Variants in NPHP4 observed in about 807,000 individuals in gnomAD.
NPHP4 encodes the protein nephrocystin-4.
NPHP4 carries 151 observed loss-of-function variants against 155.8 expected under a neutral mutation model. The ratio of observed to expected loss-of-function variants is 0.97; its 90% CI spans 0.85 to 1.11. The LOEUF is 1.11. Ranked by LOEUF, NPHP4 falls within the 50% of genes least tolerant of loss-of-function variation. NPHP4 has a pLI of 0.00. For missense variants in NPHP4, 1,956 were observed against 1,925.7 expected, an observed-to-expected ratio of 1.02 and a Z score of -0.29; for synonymous variants, 845 against 816.8, an observed-to-expected ratio of 1.03 and a Z score of -0.59.
At chr1:5,949,227 C>T (rs191109888) in intron 7 of NPHP4, among the ~76,000 whole-genome samples, 62 of 152,214 alleles carry the variant, frequency 4.1e-4, no homozygotes, top group African/African-American at 1.3e-3. Flanking sequence ...ACCAAGGAAA[C>T]GGATGTTGGT....
intron 3 of NPHP4, among the ~76,000 whole-genome samples, chr1:5,974,060 G>A (rs1024236321): frequency 6.6e-6 from 1 of 152,256 alleles, no homozygotes; most frequent in East Asian, 1.9e-4. Flanking sequence ...TCCAGGCCCT[G>A]GAAGGGCTCG....
chr1:5,978,317 TG>T lies in NPHP4; in HGVS notation c.231del (p.Thr78GlnfsTer2). 1 of 1,609,658 alleles carries T rather than the reference TG, an allele frequency of 6.2e-7. No individual in the cohort carries two copies. Among genetic ancestry groups the T allele is most frequent in the South Asian group, 1.1e-5 (1 of 90,338 alleles). ...YRHFFGRTWK[T>X]TVKPTKRPPS... The stretch of plus-strand genomic sequence containing the variant: ...GGCGGTCTCTTCGTCGGCTTCACTG[TG>T]GTTTTCCACGTCCTCCCAAAGAAGT... On this transcript the variant is annotated frameshift_variant, in exon 3 of 30. Coordinates refer to ENST00000378156, the MANE Select transcript of NPHP4 (RefSeq NM_015102.5). LOFTEE classifies it high-confidence loss of function.
At chr1:5,899,027 TCA>T (rs900501847) in intron 16 of NPHP4, among the ~76,000 whole-genome samples, 24 of 152,208 alleles carry the variant, frequency 1.6e-4, no homozygotes, top group Non-Finnish European at 2.5e-4. Context: ...AAACCAGCGA[TCA>T]CCACGTGACT....
At chr1:5,967,491 G>A (rs977468596) in intron 4 of NPHP4, 128 bp from the exon 5 acceptor site, 45 of 717,120 alleles carry the variant, frequency 6.3e-5, no homozygotes, top group Admixed American at 3.3e-4. Flanking sequence ...CATCCTCTGC[G>A]GAAGGCAGAG....
At chr1:5,978,109 A>T (rs1654013791) in intron 3 of NPHP4, among the ~76,000 whole-genome samples, 161 bp downstream of exon 3, 1 of 151,746 alleles carries the variant, frequency 6.6e-6, no homozygotes, top group South Asian at 2.1e-4. Flanking sequence ...TTGGTAACAA[A>T]GCGCTTGCCG....
chr1:5,864,064 G>A (rs769018845), intron 28 of NPHP4, 31 bp from the exon 29 acceptor site: 14 of 1,606,942 alleles, frequency 8.7e-6, no homozygotes, highest in South Asian at 2.2e-5. Flanking sequence ...GAGACGCTGC[G>A]GCCACTCACG....
intron 10 of NPHP4, 93 bp from the exon 11 acceptor site, chr1:5,927,880 A>G (rs775964011): frequency 3.8e-5 from 51 of 1,350,244 alleles, no homozygotes; most frequent in Non-Finnish European, 5.0e-5. Context: ...CTGCCCTAAA[A>G]CAAAGTCTAC....
At position 5,944,875 on chromosome 1, in the gene NPHP4, C is replaced by A. The variant is rs1275490417; in HGVS notation, c.1119+2229G>T. Among the ~76,000 whole-genome samples, 2 of 152,080 alleles carry A rather than the reference C, an allele frequency of 1.3e-5. No individual in the cohort carries two copies. The highest frequency in any genetic ancestry group is 4.8e-5 in the African/African-American group (2 of 41,398). Reference sequence around the variant, plus strand: ...GTCCCAGCTACTCAGGAGACTGAGGCAGGAGAGTCACTTGAACCCAGGAGG... The same window carrying A: ...GTCCCAGCTACTCAGGAGACTGAGGAAGGAGAGTCACTTGAACCCAGGAGG... On this transcript the variant is annotated intron_variant, in intron 9 of 29. Coordinates refer to ENST00000378156, the MANE Select transcript of NPHP4 (RefSeq NM_015102.5). The surrounding 1 kb of genome is among the most constrained non-coding windows in gnomAD (Gnocchi z 4.3).
At chr1:5,959,365 A>G (rs1649874910) in intron 6 of NPHP4, among the ~76,000 whole-genome samples, 1 of 152,222 alleles carries the variant, frequency 6.6e-6, no homozygotes, top group South Asian at 2.1e-4. Flanking sequence ...GAGGAGCAGG[A>G]ATCATGCACC....
intron 29 of NPHP4, 151 bp from the exon 30 acceptor site, chr1:5,863,556 G>T: frequency 1.2e-6 from 1 of 849,726 alleles, no homozygotes; most frequent in Non-Finnish European, 1.9e-6. Flanking sequence ...TTTGACTTCA[G>T]CGCCCGGTAC....
intron 10 of NPHP4, among the ~76,000 whole-genome samples, chr1:5,928,866 G>T (rs11590436): frequency 0.17 from 25,997 of 151,976 alleles, 2,298 homozygotes; most frequent in African/African-American, 0.21. Flanking sequence ...ATCAATCTTG[G>T]GCAGAACTGA....
At chr1:5,952,943 G>C (rs1002033695) in intron 6 of NPHP4, 107 bp from the exon 7 acceptor site, 13 of 1,048,838 alleles carry the variant, frequency 1.2e-5, no homozygotes, top group Non-Finnish European at 1.5e-5. Context: ...CTGCAGCAAC[G>C]AAGGGTGCTC....
At chr1:5,893,283 T>G (rs981706238) in intron 16 of NPHP4, among the ~76,000 whole-genome samples, 19 of 152,264 alleles carry the variant, frequency 1.2e-4, no homozygotes, top group African/African-American at 4.6e-4. Context: ...AGGGGACCAC[T>G]ACCACCAATG....
At chr1:5,929,340 C>T (rs1178596360) in intron 10 of NPHP4, among the ~76,000 whole-genome samples, 1 of 152,116 alleles carries the variant, frequency 6.6e-6, no homozygotes, top group East Asian at 1.9e-4. Flanking sequence ...CTGAACATGA[C>T]GTTGAATGCT....
chr1:5,864,881 T>C (rs1641038867), intron 27 of NPHP4: 1 of 566,142 alleles, frequency 1.8e-6, no homozygotes, highest in Non-Finnish European at 3.2e-6. Flanking sequence ...CCAGGAATTC[T>C]GAACACCGGC....
intron 6 of NPHP4, among the ~76,000 whole-genome samples, chr1:5,960,270 C>T (rs1267389346): frequency 6.6e-6 from 1 of 152,166 alleles, no homozygotes; most frequent in African/African-American, 2.4e-5. Flanking sequence ...TTCATTCCTC[C>T]CTTCTCATTT....
At chr1:5,915,888 T>C (rs986109870) in intron 11 of NPHP4, among the ~76,000 whole-genome samples, 1 of 152,122 alleles carries the variant, frequency 6.6e-6, no homozygotes, top group African/African-American at 2.4e-5. Flanking sequence ...CCCACCACCA[T>C]GTGATTGACT....
intron 9 of NPHP4, among the ~76,000 whole-genome samples, chr1:5,945,907 C>CT (rs919832838): frequency 3.3e-4 from 50 of 152,228 alleles, no homozygotes; most frequent in African/African-American, 1.2e-3. Context: ...GCATTGTCCC[C>CT]CCCCAGGGCG....
rs747099663 is a variant in NPHP4 at position 5,863,917 on chromosome 1, C to G, written c.4113G>C (p.Leu1371=). Residue 1371 remains leucine (L), a synonymous_variant, in exon 29 of 30, where the codon CTG becomes CTC. Coordinates refer to ENST00000378156, the MANE Select transcript of NPHP4 (RefSeq NM_015102.5). ...TFHLHSDHPE[L]LRFREDSFQV... ...GGAAGGAGTCCTCTCTGAACCGCAG[C>G]AGCTCCGGGTGGTCGCTGTGCAGGT... 2.5e-6 allele frequency: 4 copies of G among 1,613,992 alleles called. No homozygotes were observed. Among genetic ancestry groups the G allele is most frequent in the Non-Finnish European group, 3.4e-6 (4 of 1,179,884 alleles).
Sources: gnomAD v4.1 joint callset for allele counts (sites outside exome capture counted in the v4.1 genomes callset) on GRCh38, gnomAD v4.1.1 for gene constraint, Gnocchi (gnomAD v3.1) non-coding constraint, MANE v1.5 for transcripts, NCBI Gene and HGNC (gene_info 2026-07-23, HGNC 2026-07-21) for gene names.